The following HHIPL1 variants were observed in gnomAD, a reference collection of about 807,000 sequenced individuals.
HHIPL1 encodes the protein HHIP-like protein 1.
HHIPL1 carries 43 observed loss-of-function variants against 61.8 expected under a neutral mutation model. The ratio of observed to expected loss-of-function variants is 0.70; its 90% CI spans 0.55 to 0.90. The LOEUF (loss-of-function observed/expected upper bound fraction) is 0.90, where lower values mean the gene tolerates loss of function less well. Ranked by LOEUF, HHIPL1 falls within the 40% of genes least tolerant of loss-of-function variation. The probability of loss-of-function intolerance (pLI) is 0.00; values close to 1 mark genes in which losing one functional copy is unlikely to be tolerated. For synonymous variants in HHIPL1, 482 were observed against 515.8 expected, an observed-to-expected ratio of 0.93 and a Z score of 0.89; for missense variants, 1,056 against 1,157.7, an observed-to-expected ratio of 0.91 and a Z score of 1.28.
chr14:99,644,076 C>T (rs548836535), upstream of HHIPL1, among the ~76,000 whole-genome samples: 15 of 152,330 alleles, frequency 9.8e-5, no homozygotes, highest in East Asian at 2.9e-3. Context: ...GACCCTGACT[C>T]TTACACTGCA....
At chr14:99,640,663 A>AT (rs904238475), upstream of HHIPL1, among the ~76,000 whole-genome samples, 1 of 151,958 alleles carries the variant, frequency 6.6e-6, no homozygotes, top group Non-Finnish European at 1.5e-5. Context: ...GAGGAAATAC[A>AT]TTTTTTTCCT....
At chr14:99,636,042 C>T in the HHIPL1 span, among the ~76,000 whole-genome samples, 4 of 152,142 alleles carry the variant, frequency 2.6e-5, no homozygotes, top group African/African-American at 4.8e-5. Flanking sequence ...GAGTCTCTGC[C>T]TCTGGAGCCA....
At chr14:99,608,542 A>G in the HHIPL1 span, among the ~76,000 whole-genome samples, 1 of 152,226 alleles carries the variant, frequency 6.6e-6, no homozygotes, top group Admixed American at 6.5e-5. Context: ...GGTATGGCCA[A>G]CAAAGTGTTT....
In HHIPL1 at chr14:99,660,399, A is replaced by G. The variant is rs1249695673; in HGVS notation, c.1495A>G (p.Met499Val). ...CGGCCTCTACATTTTTGGGGATTTCATGAGCGGGTAAGTGACCTAGTGCCC... is the reference window on the plus strand; with the variant it reads ...CGGCCTCTACATTTTTGGGGATTTCGTGAGCGGGTAAGTGACCTAGTGCCC... ...LNGLYIFGDF[M>V]SGRLMSLQEN... The change falls in exon 5 of 9, where the codon ATG (methionine) becomes GTG (valine). Residue 499 changes from methionine to valine, a missense_variant. Coordinates refer to ENST00000330710, the MANE Select transcript of HHIPL1 (RefSeq NM_001127258.3). This position sits in a 1 kb window ranked among gnomAD's most constrained non-coding sequence, Gnocchi z 4.9. The G allele has an allele frequency of 6.2e-7, 1 of 1,612,990 alleles. No homozygotes were observed. Among genetic ancestry groups the G allele is most frequent in the Non-Finnish European group, 8.5e-7 (1 of 1,179,268 alleles).
the HHIPL1 span, among the ~76,000 whole-genome samples, chr14:99,605,767 T>A: frequency 3.3e-5 from 5 of 152,262 alleles, no homozygotes; most frequent in African/African-American, 1.2e-4. Flanking sequence ...ACATCTAAGC[T>A]GAAGTCTGAT....
At chr14:99,638,450 G>A in the HHIPL1 span, among the ~76,000 whole-genome samples, 2 of 152,218 alleles carry the variant, frequency 1.3e-5, no homozygotes, top group African/African-American at 4.8e-5. Context: ...ATGCGTAGGT[G>A]CCCATACCGA....
chr14:99,613,337 T>TC, the HHIPL1 span, among the ~76,000 whole-genome samples: 1 of 151,708 alleles, frequency 6.6e-6, no homozygotes, highest in East Asian at 2.0e-4. Flanking sequence ...TTTAATTAAT[T>TC]TTTTTTTAGA....
At chr14:99,663,043 C>T (rs1213122568) in intron 6 of HHIPL1, 22 bp downstream of exon 6, 1 of 1,572,208 alleles carries the variant, frequency 6.4e-7, no homozygotes, top group East Asian at 2.3e-5. Flanking sequence ...TGAGACCTCT[C>T]CTTGCTGGTT....
rs2056366431 is a variant in HHIPL1, at chr14:99,674,754, C to T, written c.1814-337C>T. Among the ~76,000 whole-genome samples, 6 of 152,296 alleles carry T rather than the reference C, an allele frequency of 3.9e-5. No homozygotes were observed. The South Asian group carries it at 1.2e-3, about 32-fold the overall frequency. ...TTATGAAGTGCCAGGAGCTGGCTCCCCCACCAACCTAGGGACTCCTGGGAA... is the reference window on the plus strand; with the variant it reads ...TTATGAAGTGCCAGGAGCTGGCTCCTCCACCAACCTAGGGACTCCTGGGAA... On this transcript the variant is annotated intron_variant, in intron 8 of 8. Transcript: ENST00000330710.
intron 1 of HHIPL1, among the ~76,000 whole-genome samples, chr14:99,651,696 G>A (rs935907361): frequency 1.3e-5 from 2 of 152,208 alleles, no homozygotes; most frequent in East Asian, 1.9e-4. Context: ...TAGACAGGAG[G>A]CTGGAGAGGT....
chr14:99,659,363 C>T, intron 3 of HHIPL1, 65 bp from the exon 4 acceptor site: 2 of 1,295,250 alleles, frequency 1.5e-6, no homozygotes, highest in South Asian at 1.7e-5. Flanking sequence ...GCACCTGCCC[C>T]GCGGAGCCCG....
the HHIPL1 span, among the ~76,000 whole-genome samples, chr14:99,611,217 C>G: frequency 6.6e-6 from 1 of 152,174 alleles, no homozygotes; most frequent in Non-Finnish European, 1.5e-5. Flanking sequence ...GCAGCCTTAA[C>G]CTCCCAGACT....
chr14:99,610,259 T>C, the HHIPL1 span, among the ~76,000 whole-genome samples: 15 of 152,290 alleles, frequency 9.8e-5, no homozygotes, highest in Non-Finnish European at 2.2e-4. Flanking sequence ...ATTCTTATGG[T>C]GAACTGGTTC....
chr14:99,646,837 A>ATATGATATGATATG (rs1566804853), intron 1 of HHIPL1, among the ~76,000 whole-genome samples: 2 of 79,022 alleles, frequency 2.5e-5, no homozygotes, highest in African/African-American at 1.0e-4. Context: ...GATATGATAT[A>ATATGATATGATATG]ATATAATATA....
chr14:99,675,272 C>G lies in HHIPL1; in HGVS notation c.1995C>G (p.Ser665Arg). The change falls in exon 9 of 9, where the codon AGC becomes AGG. Residue 665 changes from serine to arginine, a missense_variant. By Grantham distance (110) the Ser-to-Arg change is moderately radical (BLOSUM62 -1). Transcript: ENST00000330710. This position sits in a 1 kb window ranked among gnomAD's most constrained non-coding sequence, Gnocchi z 5.4. ...GRRRGRLNSA[S>R]RAFRDGEVRL... Reference sequence around the variant, plus strand: ...GGCGGGGGCGGCTGAACTCGGCGAGCCGGGCGTTCCGGGATGGCGAGGTGC... The same window carrying G: ...GGCGGGGGCGGCTGAACTCGGCGAGGCGGGCGTTCCGGGATGGCGAGGTGC... The G allele has an allele frequency of 8.0e-7, 1 of 1,252,992 alleles. No individual in the cohort carries two copies. The highest frequency in any genetic ancestry group is 3.2e-5 in the South Asian group (1 of 31,130). The allele number at this position is 1,252,992 out of a possible 1,614,324, so 77.6% of individuals were successfully genotyped here.
intron 2 of HHIPL1, among the ~76,000 whole-genome samples, chr14:99,653,878 G>T (rs78228841): frequency 2.0e-5 from 3 of 152,210 alleles, no homozygotes; most frequent in African/African-American, 7.2e-5. Context: ...CTGGGAGTCA[G>T]TTACTCATGT....
intron 1 of HHIPL1, among the ~76,000 whole-genome samples, chr14:99,650,403 G>A (rs371081266): frequency 6.6e-6 from 1 of 152,234 alleles, no homozygotes; most frequent in African/African-American, 2.4e-5. Context: ...ACTCACAGGT[G>A]GGGGAGGGTG....
At chr14:99,625,965 T>A in the HHIPL1 span, among the ~76,000 whole-genome samples, 1 of 152,132 alleles carries the variant, frequency 6.6e-6, no homozygotes, top group Non-Finnish European at 1.5e-5. Context: ...TTCAAAGTCG[T>A]TGTGAGGATG....
Position 99,675,262 on chromosome 14 carries a change from A to G in HHIPL1, c.1985A>G (p.Asn662Ser). The change falls in exon 9 of 9, where the codon AAC (asparagine) becomes AGC (serine). Residue 662 changes from asparagine (N) to serine (S), a missense_variant. Asn to Ser is a conservative substitution (Grantham distance 46, BLOSUM62 1). Transcript: ENST00000330710. This position sits in a 1 kb window ranked among gnomAD's most constrained non-coding sequence, Gnocchi z 5.4. ...GGCGGGCGGCGGCGGGGGCGGCTGAACTCGGCGAGCCGGGCGTTCCGGGAT... is the reference window on the plus strand; with the variant it reads ...GGCGGGCGGCGGCGGGGGCGGCTGAGCTCGGCGAGCCGGGCGTTCCGGGAT... ...RGGGRRRGRL[N>S]SASRAFRDGE... 1 of 1,243,326 alleles carries G rather than the reference A, an allele frequency of 8.0e-7. No homozygotes were observed. 77.0% of individuals were successfully genotyped at this position (1,243,326 alleles called of 1,614,324 possible).
Sources: allele counts gnomAD v4.1 joint callset (sites outside exome capture counted in the v4.1 genomes callset), GRCh38; gene constraint gnomAD v4.1.1; non-coding constraint Gnocchi (gnomAD v3.1); transcripts MANE v1.5; gene names NCBI Gene and HGNC (gene_info 2026-07-23, HGNC 2026-07-21).